The following ADAM18 variants were observed in gnomAD, a reference collection of about 807,000 sequenced individuals.
The protein encoded by ADAM18 is disintegrin and metalloproteinase domain-containing protein 18.
Under a neutral mutation model 94.4 loss-of-function variants are expected in ADAM18, and 117 were observed. The observed-to-expected ratio is 1.24, with a 90% CI of 1.07 to 1.45. The LOEUF (loss-of-function observed/expected upper bound fraction) is 1.45. Among genes scored for constraint, ADAM18 ranks in the 40% most tolerant of loss-of-function variants. The pLI is 0.00. For synonymous variants in ADAM18, 327 were observed against 291.6 expected (o/e 1.12, Z -1.24); for missense variants, 936 against 880.0 (o/e 1.06, Z -0.81).
intron 17 of ADAM18, among the ~76,000 whole-genome samples, chr8:39,700,303 C>G (rs2129581104): frequency 6.6e-6 from 1 of 152,184 alleles, no homozygotes; most frequent in African/African-American, 2.4e-5. Context: ...ACAGTAATTT[C>G]ATTTTATAAT....
chr8:39,684,355 T>G (rs1162821769), intron 16 of ADAM18, among the ~76,000 whole-genome samples: 2 of 152,200 alleles, frequency 1.3e-5, no homozygotes, highest in East Asian at 3.8e-4. Context: ...CCCTAGGAAT[T>G]GTTTAAGTAT....
At chr8:39,605,036 G>A (rs556640418) in intron 2 of ADAM18, among the ~76,000 whole-genome samples, 1 of 152,076 alleles carries the variant, frequency 6.6e-6, no homozygotes, top group South Asian at 2.1e-4. Context: ...AGCTTACATT[G>A]GTTTAAGGGA....
chr8:39,617,823 A>T (rs1009532056), intron 6 of ADAM18, among the ~76,000 whole-genome samples: 28 of 150,218 alleles, frequency 1.9e-4, no homozygotes, highest in African/African-American at 6.8e-4. Context: ...AACAATAGAC[A>T]CTGGGCCTAC....
chr8:39,705,870 A>T (rs1822226556), intron 17 of ADAM18, among the ~76,000 whole-genome samples: 1 of 152,170 alleles, frequency 6.6e-6, no homozygotes, highest in Non-Finnish European at 1.5e-5. Flanking sequence ...GTCTTTATAC[A>T]TACAGGTATG....
chr8:39,605,027 G>A (rs767888887), intron 2 of ADAM18, among the ~76,000 whole-genome samples: 8 of 152,218 alleles, frequency 5.3e-5, no homozygotes, highest in South Asian at 2.1e-4. Context: ...TAACTTAGTA[G>A]CTTACATTGG....
At position 39,695,547 on chromosome 8, in the gene ADAM18, A is replaced by C. The variant is rs565190241; in HGVS notation, c.1902+2867A>C. Among the ~76,000 whole-genome samples the C allele has an allele frequency of 5.3e-5, 8 of 151,400 alleles. No individual in the cohort carries two copies. The South Asian group carries it at 1.7e-3, about 31-fold the overall frequency. The stretch of plus-strand genomic sequence containing the variant: ...ATATGTATATCTTCTATGATGAAGC[A>C]TCTTAATCTTTTGCCTGTTTTTTTA... On this transcript the variant is annotated intron_variant, in intron 17 of 19. Transcript: ENST00000265707.
chr8:39,619,814 A>T (rs1819554108), intron 6 of ADAM18, among the ~76,000 whole-genome samples: 1 of 152,196 alleles, frequency 6.6e-6, no homozygotes, highest in Non-Finnish European at 1.5e-5. Flanking sequence ...CATATTACTT[A>T]AAGAGACTTA....
At chr8:39,585,515 T>C (rs193244557) in intron 2 of ADAM18, among the ~76,000 whole-genome samples, 163 bp downstream of exon 2, 2 of 152,340 alleles carry the variant, frequency 1.3e-5, no homozygotes, top group East Asian at 1.9e-4. Flanking sequence ...TGTTCCCCCA[T>C]TTCTGCTGCT....
At chr8:39,677,296 CAG>C (rs1821325691) in intron 14 of ADAM18, 133 bp from the exon 15 acceptor site, 1 of 612,204 alleles carries the variant, frequency 1.6e-6, no homozygotes, top group Non-Finnish European at 2.8e-6. Context: ...CTTGCATTGA[CAG>C]GGTATGCATA....
intron 12 of ADAM18, among the ~76,000 whole-genome samples, chr8:39,656,214 G>T (rs1374037731): frequency 1.3e-5 from 2 of 151,714 alleles, no homozygotes; most frequent in Non-Finnish European, 2.9e-5. Context: ...AACAAATTTG[G>T]TCCACTGAAA....
intron 14 of ADAM18, among the ~76,000 whole-genome samples, chr8:39,674,711 T>A (rs190115654): frequency 0.075 from 11,402 of 152,144 alleles, 1,305 homozygotes; most frequent in African/African-American, 0.25. Flanking sequence ...CAGTTTCTTC[T>A]CTACATCGAT....
intron 3 of ADAM18, among the ~76,000 whole-genome samples, chr8:39,606,593 T>C (rs1020655433): frequency 1.3e-5 from 2 of 152,184 alleles, no homozygotes; most frequent in African/African-American, 4.8e-5. Context: ...AACTACATAC[T>C]TGTAAAATCT....
chr8:39,720,265 T>C (rs1202396637), intron 18 of ADAM18, among the ~76,000 whole-genome samples: 1 of 151,568 alleles, frequency 6.6e-6, no homozygotes, highest in Non-Finnish European at 1.5e-5. Flanking sequence ...AGCTAATTTA[T>C]AATGAAAGAA....
At chr8:39,719,228 A>G (rs538081282) in intron 18 of ADAM18, among the ~76,000 whole-genome samples, 1 of 151,420 alleles carries the variant, frequency 6.6e-6, no homozygotes, top group Non-Finnish European at 1.5e-5. Flanking sequence ...AAAGCAATAC[A>G]ATGGATAAAC....
chr8:39,637,342 T>G lies in ADAM18; in HGVS notation c.660+7T>G. On this transcript the variant is annotated splice_region_variant and intron_variant, in intron 8 of 19. Coordinates refer to ENST00000265707, the MANE Select transcript of ADAM18 (RefSeq NM_014237.3). ...TATTGGGCTTGTCAACACTGTAAGTTTTTACTTTTTCACATTTCCATTTTC... is the reference window on the plus strand; with the variant it reads ...TATTGGGCTTGTCAACACTGTAAGTGTTTACTTTTTCACATTTCCATTTTC... The G allele has an allele frequency of 6.3e-7, 1 of 1,590,692 alleles. No individual in the cohort carries two copies. Among genetic ancestry groups the G allele is most frequent in the Non-Finnish European group, 8.5e-7 (1 of 1,170,502 alleles).
At position 39,606,372 on chromosome 8, in the gene ADAM18, GA is replaced by G; in HGVS notation, c.188+11del. The G allele has an allele frequency of 6.6e-7, 1 of 1,522,192 alleles. No homozygotes were observed. The highest frequency in any genetic ancestry group is 8.9e-7 in the Non-Finnish European group (1 of 1,122,620). The allele number at this position is 1,522,192 out of a possible 1,614,324, so 94.3% of individuals were successfully genotyped here. A position where few individuals can be genotyped will look rare whatever the true frequency, so the allele number is the denominator to read the frequency against. On this transcript the variant is annotated intron_variant, in intron 3 of 19. Coordinates refer to ENST00000265707, the MANE Select transcript of ADAM18 (RefSeq NM_014237.3). ...TACATCTCGGAAAACAGTAAGATAT[GA>G]TTTTTTTTTCATTAAGGAAAAGGGA...
At chr8:39,632,004 T>C (rs1167667586) in intron 7 of ADAM18, among the ~76,000 whole-genome samples, 2 of 152,030 alleles carry the variant, frequency 1.3e-5, no homozygotes, top group African/African-American at 4.8e-5. Flanking sequence ...ATTTATCTTA[T>C]ATCCTGTTAT....
intron 16 of ADAM18, among the ~76,000 whole-genome samples, chr8:39,686,114 C>A (rs975189873): frequency 6.6e-6 from 1 of 152,190 alleles, no homozygotes; most frequent in Non-Finnish European, 1.5e-5. Context: ...TCTCCACTTA[C>A]AGCAATGCAG....
chr8:39,606,422 G>A (rs1819087121), intron 3 of ADAM18, 60 bp downstream of exon 3: 5 of 1,144,360 alleles, frequency 4.4e-6, no homozygotes, highest in East Asian at 2.5e-5. Context: ...AGATTTTACA[G>A]CCTTAAAGTT....
Sources: allele counts gnomAD v4.1 joint callset (sites outside exome capture counted in the v4.1 genomes callset), GRCh38; gene constraint gnomAD v4.1.1; transcripts MANE v1.5; gene names NCBI Gene and HGNC (gene_info 2026-07-23, HGNC 2026-07-21).